RIT2: variants seen among roughly 807,000 people sequenced by gnomAD.
RIT2 encodes the protein GTP-binding protein Rit2.
Under a neutral mutation model 23.7 loss-of-function variants are expected in RIT2, and 24 were observed. That is an observed-to-expected ratio of 1.01 (90% CI 0.73 to 1.43). The LOEUF is 1.43. RIT2 is among the 40% of genes most tolerant of loss of function. The probability of loss-of-function intolerance (pLI) is 0.00; values close to 1 mark genes in which losing one functional copy is unlikely to be tolerated. For missense variants in RIT2, 236 were observed against 266.9 expected (o/e 0.88, Z 0.81); for synonymous variants, 107 against 91.1 (o/e 1.17, Z -0.99).
At chr18:42,776,615 A>G (rs895595995) in intron 4 of RIT2, among the ~76,000 whole-genome samples, 1 of 152,186 alleles carries the variant, frequency 6.6e-6, no homozygotes, top group Non-Finnish European at 1.5e-5. Context: ...TTTAATAAAA[A>G]CAAACTTATG....
chr18:43,090,881 G>A (rs1237094930), intron 1 of RIT2, among the ~76,000 whole-genome samples: 2 of 151,920 alleles, frequency 1.3e-5, no homozygotes, highest in African/African-American at 4.8e-5. Flanking sequence ...GAGGGTGGAT[G>A]GTGGGAGGAG....
At chr18:42,864,571 G>A (rs1907418257) in intron 4 of RIT2, among the ~76,000 whole-genome samples, 1 of 152,124 alleles carries the variant, frequency 6.6e-6, no homozygotes, top group South Asian at 2.1e-4. Flanking sequence ...TCATCATTTT[G>A]GCAGTTTTCA....
chr18:42,756,231 A>G (rs549488625), intron 4 of RIT2, among the ~76,000 whole-genome samples: 9 of 152,262 alleles, frequency 5.9e-5, no homozygotes, highest in African/African-American at 1.9e-4. Flanking sequence ...TTGAGCGCCT[A>G]CTCTGGAAAT....
chr18:43,038,961 T>C (rs775005465), intron 1 of RIT2, among the ~76,000 whole-genome samples: 16 of 152,126 alleles, frequency 1.1e-4, no homozygotes, highest in Non-Finnish European at 1.9e-4. Context: ...GAAGTAATTG[T>C]CATATATTGT....
chr18:42,868,347 A>G (rs1907528573), intron 4 of RIT2, among the ~76,000 whole-genome samples: 2 of 152,176 alleles, frequency 1.3e-5, no homozygotes, highest in Admixed American at 1.3e-4. Flanking sequence ...ATTAAAAATA[A>G]TAGCTCATAT....
chr18:42,785,781 G>A (rs568244533), intron 4 of RIT2, among the ~76,000 whole-genome samples: 8 of 152,238 alleles, frequency 5.3e-5, no homozygotes, highest in East Asian at 1.9e-4. Context: ...ACAGGGTAGC[G>A]TGCCCAGCAC....
intron 4 of RIT2, among the ~76,000 whole-genome samples, chr18:42,764,775 T>G (rs1387685803): frequency 6.6e-6 from 1 of 152,250 alleles, no homozygotes; most frequent in Non-Finnish European, 1.5e-5. Flanking sequence ...TCCTCTCATC[T>G]GCTAACCTTA....
At chr18:42,777,034 A>T (rs1028416186) in intron 4 of RIT2, among the ~76,000 whole-genome samples, 1 of 152,164 alleles carries the variant, frequency 6.6e-6, no homozygotes. Context: ...ATTTTGCAAT[A>T]CTTTGAACAT....
At chr18:43,114,285 T>G (rs1172174834) in intron 1 of RIT2, among the ~76,000 whole-genome samples, 1 of 152,052 alleles carries the variant, frequency 6.6e-6, no homozygotes, top group African/African-American at 2.4e-5. Context: ...GAGGTAGGGG[T>G]GCTGAATTTT....
intron 4 of RIT2, among the ~76,000 whole-genome samples, chr18:42,898,092 T>G (rs889498353): frequency 7.9e-5 from 12 of 152,074 alleles, no homozygotes; most frequent in African/African-American, 2.7e-4. Context: ...CTCCCTAACT[T>G]GGGAGGAGAG....
chr18:42,979,385 C>A (rs1031526555), intron 2 of RIT2, among the ~76,000 whole-genome samples: 4 of 152,006 alleles, frequency 2.6e-5, no homozygotes, highest in Non-Finnish European at 4.4e-5. Flanking sequence ...ATACTTCTTA[C>A]ATGGTTTACC....
At chr18:43,094,160 A>G (rs1289005042) in intron 1 of RIT2, among the ~76,000 whole-genome samples, 2 of 146,072 alleles carry the variant, frequency 1.4e-5, no homozygotes, top group African/African-American at 5.0e-5. Flanking sequence ...TCAGGCTCCA[A>G]TATGATTCGG....
intron 4 of RIT2, among the ~76,000 whole-genome samples, chr18:42,895,236 C>T (rs1243535879): frequency 6.6e-6 from 1 of 151,906 alleles, no homozygotes; most frequent in Non-Finnish European, 1.5e-5. Flanking sequence ...TTATAATACT[C>T]AGAGCCTCAA....
intron 4 of RIT2, among the ~76,000 whole-genome samples, chr18:42,884,853 T>C (rs1012931577): frequency 6.6e-6 from 1 of 152,222 alleles, no homozygotes; most frequent in Non-Finnish European, 1.5e-5. Flanking sequence ...GGTTTCTACA[T>C]CAACTATTTT....
chr18:42,836,330 C>T (rs1389015212), intron 4 of RIT2, among the ~76,000 whole-genome samples: 1 of 151,992 alleles, frequency 6.6e-6, no homozygotes, highest in Non-Finnish European at 1.5e-5. Context: ...AGCGGCTGAG[C>T]TAGGCTGAAG....
chr18:43,102,289 G>T (rs904334600), intron 1 of RIT2, among the ~76,000 whole-genome samples: 2 of 152,114 alleles, frequency 1.3e-5, no homozygotes, highest in African/African-American at 4.8e-5. Flanking sequence ...TCTTAGTGTT[G>T]ACCAAGAAAC....
intron 4 of RIT2, among the ~76,000 whole-genome samples, chr18:42,794,924 T>TA (rs1289189576): frequency 6.6e-6 from 1 of 152,244 alleles, no homozygotes; most frequent in African/African-American, 2.4e-5. Context: ...ACCATTTACT[T>TA]ATGACATTTC....
chr18:43,072,719 G>A (rs1027561500), intron 1 of RIT2, among the ~76,000 whole-genome samples: 1 of 151,988 alleles, frequency 6.6e-6, no homozygotes, highest in Non-Finnish European at 1.5e-5. Flanking sequence ...CATTTCATCT[G>A]CCTGTTCTGA....
chr18:42,813,539 C>A (rs1321401374), intron 4 of RIT2, among the ~76,000 whole-genome samples: 1 of 151,948 alleles, frequency 6.6e-6, no homozygotes, highest in Non-Finnish European at 1.5e-5. Context: ...TTCAATATAT[C>A]AAAAACAGCC....
Sources: gnomAD v4.1 joint callset for allele counts (sites outside exome capture counted in the v4.1 genomes callset) on GRCh38, gnomAD v4.1.1 for gene constraint, MANE v1.5 for transcripts, NCBI Gene and HGNC (gene_info 2026-07-23, HGNC 2026-07-21) for gene names.